The following BACH2 variants were observed in gnomAD, a reference collection of about 807,000 sequenced individuals.
BACH2 encodes the protein transcription regulator protein BACH2.
A neutral mutation model predicts 61.8 loss-of-function variants in BACH2; 5 were observed. The ratio of observed to expected loss-of-function variants is 0.08; its 90% CI spans 0.04 to 0.17. The LOEUF (loss-of-function observed/expected upper bound fraction) is 0.17, where lower values mean the gene tolerates loss of function less well. Among genes scored for constraint, BACH2 ranks in the 10% least tolerant of loss-of-function variants. BACH2 has a pLI of 1.00. For missense variants in BACH2, 824 were observed against 1,091.1 expected (o/e 0.76, Z 3.45); for synonymous variants, 446 against 440.1 (o/e 1.01, Z -0.17).
intron 8 of BACH2, among the ~76,000 whole-genome samples, chr6:89,937,385 C>T (rs1384149160): frequency 6.6e-6 from 1 of 152,156 alleles, no homozygotes; most frequent in Non-Finnish European, 1.5e-5. Context: ...GGGAAGTTTT[C>T]CAGCCCTTCT....
chr6:90,114,621 C>G (rs1011158726), intron 4 of BACH2, among the ~76,000 whole-genome samples: 4 of 152,216 alleles, frequency 2.6e-5, no homozygotes, highest in South Asian at 4.1e-4. Context: ...CAAGGGTGCC[C>G]TCTCTCACCA....
At chr6:90,122,244 T>C (rs746198155) in intron 4 of BACH2, among the ~76,000 whole-genome samples, 1 of 152,164 alleles carries the variant, frequency 6.6e-6, no homozygotes, top group African/African-American at 2.4e-5. Context: ...TGACCAGACA[T>C]CGGCAAAGTA....
chr6:90,091,243 G>C (rs1195482209), intron 4 of BACH2, among the ~76,000 whole-genome samples: 1 of 152,142 alleles, frequency 6.6e-6, no homozygotes, highest in Non-Finnish European at 1.5e-5. Flanking sequence ...TCTAAACGAA[G>C]CAGAGAAAGT....
Position 89,951,693 on chromosome 6 carries a change from T to C in BACH2, c.413A>G (p.Asp138Gly). 2 of 1,614,210 alleles carry C rather than the reference T, an allele frequency of 1.2e-6. No individual in the cohort carries two copies. Among genetic ancestry groups the C allele is most frequent in the South Asian group, 1.1e-5 (1 of 91,084 alleles). ...ATCCTTCCGGCACACAAACAGGCCATCCTCACTGTTCAGGAGCTGGGTCTG... is the reference window on the plus strand; with the variant it reads ...ATCCTTCCGGCACACAAACAGGCCACCCTCACTGTTCAGGAGCTGGGTCTG... ...FLQTQLLNSE[D>G]GLFVCRKDAA... is the part of the protein sequence containing the mutation. Residue 138 changes from aspartate to glycine, a missense_variant, in exon 7 of 9, where the codon GAT (aspartate) becomes GGT (glycine). By Grantham distance (94) the Asp-to-Gly change is moderately conservative (BLOSUM62 -1). Around this residue, in one of 8 missense-constraint regions of BACH2, gnomAD observed 107 missense variants for 121.7 expected, o/e 0.88. Coordinates refer to ENST00000257749, the MANE Select transcript of BACH2 (RefSeq NM_021813.4). The surrounding 1 kb of genome is among the most constrained non-coding windows in gnomAD (Gnocchi z 6.4).
At position 89,930,239 on chromosome 6, in the gene BACH2, T is replaced by C. The variant is rs1480727016; in HGVS notation, c.*2169A>G. ...TTAAAAAGAAAAGCCTTTTTTTTTTTTTTTTTTTTTTTTTTATCCTACTGC... is the reference window on the plus strand; with the variant it reads ...TTAAAAAGAAAAGCCTTTTTTTTTTCTTTTTTTTTTTTTTTATCCTACTGC... On this transcript the variant is annotated 3_prime_UTR_variant, in exon 9 of 9. Coordinates refer to ENST00000257749, the MANE Select transcript of BACH2 (RefSeq NM_021813.4). The C allele has an allele frequency of 6.9e-6, 1 of 145,808 alleles. No homozygotes were observed. Among genetic ancestry groups the C allele is most frequent in the Non-Finnish European group, 1.5e-5 (1 of 66,168 alleles). The allele number at this position is 145,808 out of a possible 1,614,324, so 9.0% of individuals were successfully genotyped here.
At chr6:90,014,925 C>T (rs1332011099) in intron 5 of BACH2, among the ~76,000 whole-genome samples, 3 of 150,628 alleles carry the variant, frequency 2.0e-5, no homozygotes, top group Non-Finnish European at 4.4e-5. Flanking sequence ...GACTATAGGC[C>T]GTGCCACCAT....
At chr6:90,284,163 C>G (rs749668559) in intron 1 of BACH2, among the ~76,000 whole-genome samples, 4 of 152,134 alleles carry the variant, frequency 2.6e-5, no homozygotes, top group Non-Finnish European at 5.9e-5. Context: ...TGATACGAAG[C>G]TAAGATAGTG....
At chr6:90,218,135 C>T (rs1769602125) in intron 3 of BACH2, 1 of 152,144 alleles carries the variant, frequency 6.6e-6, no homozygotes, top group Non-Finnish European at 1.5e-5. Context: ...GGCGTCAGGA[C>T]AAAGCAAACT....
intron 6 of BACH2, among the ~76,000 whole-genome samples, chr6:89,959,483 ATGTACT>A (rs1173512146): frequency 2.7e-5 from 4 of 145,988 alleles, no homozygotes; most frequent in East Asian, 2.0e-4. Context: ...GTTTTCCGAA[ATGTACT>A]TGTAGTTTTT....
chr6:90,071,099 T>C (rs1781205675), intron 5 of BACH2, among the ~76,000 whole-genome samples: 1 of 152,174 alleles, frequency 6.6e-6, no homozygotes, highest in Admixed American at 6.5e-5. Context: ...AATCCCACCG[T>C]CTTGGCTGCC....
chr6:90,087,068 G>T (rs773057878), intron 5 of BACH2, among the ~76,000 whole-genome samples: 1 of 151,938 alleles, frequency 6.6e-6, no homozygotes, highest in Non-Finnish European at 1.5e-5. Flanking sequence ...TGATATTGGG[G>T]GTTTTATTTT....
intron 4 of BACH2, among the ~76,000 whole-genome samples, chr6:90,203,408 A>G (rs1397236434): frequency 1.3e-5 from 2 of 151,290 alleles, no homozygotes; most frequent in Non-Finnish European, 2.9e-5. Flanking sequence ...AAAAAAAAAA[A>G]AAAAAAAAGA....
At chr6:90,095,992 C>T (rs1401835693) in intron 4 of BACH2, among the ~76,000 whole-genome samples, 1 of 152,140 alleles carries the variant, frequency 6.6e-6, no homozygotes, top group Non-Finnish European at 1.5e-5. Flanking sequence ...AAGGCTACCT[C>T]CTTTCCTGTA....
At chr6:90,159,654 T>C (rs1176955491) in intron 4 of BACH2, among the ~76,000 whole-genome samples, 3 of 150,612 alleles carry the variant, frequency 2.0e-5, no homozygotes, top group Non-Finnish European at 2.9e-5. Context: ...CTATTTTCTC[T>C]AGATCAGATG....
intron 5 of BACH2, among the ~76,000 whole-genome samples, chr6:90,040,507 C>A (rs1203966130): frequency 6.6e-6 from 1 of 151,092 alleles, no homozygotes; most frequent in Admixed American, 6.6e-5. Context: ...TCTTTTTATT[C>A]TTGGCTATTT....
chr6:89,998,431 G>A (rs1321825891), intron 6 of BACH2, among the ~76,000 whole-genome samples: 1 of 152,072 alleles, frequency 6.6e-6, no homozygotes, highest in Non-Finnish European at 1.5e-5. Context: ...CATATTTTAG[G>A]AGTCTATGGC....
At chr6:90,268,010 GT>G (rs751492686) in intron 2 of BACH2, among the ~76,000 whole-genome samples, 56 of 132,988 alleles carry the variant, frequency 4.2e-4, no homozygotes, top group African/African-American at 8.7e-4. Flanking sequence ...TGCCTTTTTT[GT>G]TTTTTTTTTT....
At chr6:89,995,173 T>C (rs1047353662) in intron 6 of BACH2, among the ~76,000 whole-genome samples, 1 of 152,234 alleles carries the variant, frequency 6.6e-6, no homozygotes, top group Non-Finnish European at 1.5e-5. Context: ...TCCATTTTTA[T>C]GTCACTGACT....
chr6:90,224,116 A>G (rs1769832941), intron 3 of BACH2, among the ~76,000 whole-genome samples: 1 of 152,234 alleles, frequency 6.6e-6, no homozygotes, highest in Non-Finnish European at 1.5e-5. Flanking sequence ...TTAGCATTTC[A>G]TTTGATAATC....
Sources: allele counts gnomAD v4.1 joint callset (sites outside exome capture counted in the v4.1 genomes callset), GRCh38; gene constraint gnomAD v4.1.1; regional missense constraint gnomAD v4.1.1; non-coding constraint Gnocchi (gnomAD v3.1); transcripts MANE v1.5; gene names NCBI Gene and HGNC (gene_info 2026-07-23, HGNC 2026-07-21).